The following LUC7L2 variants were observed in gnomAD, a reference collection of about 807,000 sequenced individuals.
LUC7L2 encodes the protein putative RNA-binding protein Luc7-like 2.
A neutral mutation model predicts 52.8 loss-of-function variants in LUC7L2; 25 were observed. The observed-to-expected ratio is 0.47, with a 90% CI of 0.34 to 0.66. The LOEUF (loss-of-function observed/expected upper bound fraction) is 0.66, where lower values mean the gene tolerates loss of function less well. LUC7L2 is among the 30% of genes least tolerant of loss of function. The pLI, the probability that LUC7L2 is intolerant of heterozygous loss-of-function variation, is 0.01. For missense variants in LUC7L2, 328 were observed against 497.8 expected (o/e 0.66, Z 3.25); for synonymous variants, 144 against 160.9 (o/e 0.89, Z 0.80).
At chr7:139,398,250 C>A (rs1055030918) in intron 2 of LUC7L2, among the ~76,000 whole-genome samples, 5 of 152,150 alleles carry the variant, frequency 3.3e-5, no homozygotes, top group South Asian at 2.1e-4. Context: ...TGTATATATT[C>A]TTTTAGTTTG....
intron 1 of LUC7L2, 28 bp downstream of exon 1, chr7:139,360,350 G>T (rs1412890221): frequency 1.2e-5 from 18 of 1,548,000 alleles, no homozygotes; most frequent in Non-Finnish European, 1.6e-5. Context: ...CCCTGGGGGT[G>T]GGGGAGGGGA....
chr7:139,417,461 C>T (rs916300750), intron 8 of LUC7L2, 77 bp from the exon 9 acceptor site: 2 of 1,526,764 alleles, frequency 1.3e-6, no homozygotes, highest in African/African-American at 2.8e-5. Context: ...AAAAGTTTCT[C>T]TTTAAAGAAA....
intron 1 of LUC7L2, among the ~76,000 whole-genome samples, chr7:139,364,180 TC>T (rs1338726305): frequency 2.0e-5 from 3 of 151,988 alleles, no homozygotes; most frequent in Non-Finnish European, 4.4e-5. Context: ...AGATGGGGTT[TC>T]TCCATGTTGG....
At chr7:139,396,571 CT>C (rs1427926518) in intron 2 of LUC7L2, among the ~76,000 whole-genome samples, 2 of 152,206 alleles carry the variant, frequency 1.3e-5, no homozygotes, top group Non-Finnish European at 2.9e-5. Flanking sequence ...TGGTTCACAT[CT>C]TTTGTCTTCT....
At chr7:139,382,382 T>C in intron 2 of LUC7L2, among the ~76,000 whole-genome samples, 1 of 151,142 alleles carries the variant, frequency 6.6e-6, no homozygotes, top group African/African-American at 2.5e-5. Context: ...GTCACAGTCT[T>C]TATTTATTTA....
intron 5 of LUC7L2, among the ~76,000 whole-genome samples, chr7:139,406,025 G>T (rs1021604755): frequency 6.6e-6 from 1 of 152,068 alleles, no homozygotes; most frequent in Non-Finnish European, 1.5e-5. Context: ...AAGGTGGATC[G>T]CTTGAGTCCA....
intron 1 of LUC7L2, among the ~76,000 whole-genome samples, chr7:139,341,716 C>G (rs1798981107): frequency 6.7e-6 from 1 of 150,242 alleles, no homozygotes; most frequent in South Asian, 2.1e-4. Flanking sequence ...AAAGGACCAG[C>G]GGGGGGGGGC....
At chr7:139,340,490 C>G in exon 1 of LUC7L2, 1 of 398,568 alleles carries the variant, frequency 2.5e-6, no homozygotes, top group Non-Finnish European at 4.4e-6. Flanking sequence ...GCCCGTTCAA[C>G]GTCCGGAGCA....
intron 2 of LUC7L2, among the ~76,000 whole-genome samples, chr7:139,378,319 A>G (rs1224255620): frequency 3.3e-5 from 5 of 152,062 alleles, no homozygotes; most frequent in African/African-American, 1.2e-4. Context: ...ACTACTTGAG[A>G]TAAATTTTGA....
At position 139,390,579 on chromosome 7, in the gene LUC7L2, G is replaced by A. The variant is rs1330924829; in HGVS notation, c.157-8020G>A. On this transcript the variant is annotated intron_variant, in intron 2 of 9. Transcript: ENST00000354926. ...GTAGTTTTTTTTTTTTTTTTGAGAC[G>A]GAGTCTCGCTTTGTCGCCCAGGCTG... 1.1e-4 allele frequency among the ~76,000 whole-genome samples: 14 copies of A among 130,198 alleles called. 1 individual carries two copies. The highest frequency in any genetic ancestry group is 8.7e-4 in the Admixed American group (11 of 12,572). 85.4% of individuals were successfully genotyped at this position (130,198 alleles called of 152,430 possible).
At chr7:139,420,786 A>G (rs1369174168) in intron 9 of LUC7L2, among the ~76,000 whole-genome samples, 1 of 151,834 alleles carries the variant, frequency 6.6e-6, no homozygotes, top group Non-Finnish European at 1.5e-5. Flanking sequence ...TGGAATCACT[A>G]GACTTGGCAC....
chr7:139,409,239 G>A (rs1795247956), intron 6 of LUC7L2, among the ~76,000 whole-genome samples: 1 of 151,186 alleles, frequency 6.6e-6, no homozygotes, highest in African/African-American at 2.4e-5. Context: ...CCCAGGAGTT[G>A]TAGACCCATC....
intron 8 of LUC7L2, among the ~76,000 whole-genome samples, chr7:139,415,506 C>A (rs1168108618): frequency 9.9e-5 from 15 of 151,100 alleles, no homozygotes; most frequent in Non-Finnish European, 2.2e-4. Flanking sequence ...AAAACTTACA[C>A]TGAGAGTTTT....
intron 1 of LUC7L2, chr7:139,341,297 G>T (rs1798942022): frequency 6.6e-7 from 1 of 1,523,450 alleles, no homozygotes; most frequent in South Asian, 1.2e-5. Context: ...TAGTCTGTCC[G>T]ACCGTACCAT....
In LUC7L2 at chr7:139,360,214, G is replaced by A. The variant is rs1569366135; in HGVS notation, c.-48G>A. On this transcript the variant is annotated 5_prime_UTR_variant, in exon 1 of 10. Transcript: ENST00000354926. Reference sequence around the variant, plus strand: ...TCCCCTTATCCCCCAGCCCAAAAGGGCCCGGTCTGCGCCCCACCCCCGCCC... The same window carrying A: ...TCCCCTTATCCCCCAGCCCAAAAGGACCCGGTCTGCGCCCCACCCCCGCCC... 6.8e-7 allele frequency: 1 copy of A among 1,478,132 alleles called. No homozygotes were observed. The highest frequency in any genetic ancestry group is 1.4e-5 in the African/African-American group (1 of 71,070). 91.6% of individuals were successfully genotyped at this position (1,478,132 alleles called of 1,614,324 possible). A position where few individuals can be genotyped will look rare whatever the true frequency, so the allele number is the denominator to read the frequency against.
Position 139,416,040 on chromosome 7 carries a change from A to AATATATATATAT in LUC7L2, c.810-1459_810-1448dup, listed in dbSNP as rs66498771. On this transcript the variant is annotated intron_variant, in intron 8 of 9. Coordinates refer to ENST00000354926, the MANE Select transcript of LUC7L2 (RefSeq NM_016019.5). ...ATTTAAGAGTTTTATTGAGGTATAA[A>AATATATATATAT]ATATATATATATATATATATATATA... is the stretch of plus-strand genomic sequence containing the variant. 1.4e-3 allele frequency: 133 copies of AATATATATATAT among 97,786 alleles called. 1 individual carries two copies. Among genetic ancestry groups the AATATATATATAT allele is most frequent in the Non-Finnish European group, 2.4e-3 (97 of 40,954 alleles). The allele number at this position is 97,786 out of a possible 1,614,324, so 6.1% of individuals were successfully genotyped here. A position where few individuals can be genotyped will look rare whatever the true frequency, so the allele number is the denominator to read the frequency against.
At position 139,352,055 on chromosome 7, in the gene LUC7L2, T is replaced by C. The variant is rs562230779; in HGVS notation, c.-26+11538T>C. Reference sequence around the variant, plus strand: ...AAAAAAAATGTAAAAATTAGCCAGGTGTGGTGGCATGCCCCCATAGTCCCA... The same window carrying C: ...AAAAAAAATGTAAAAATTAGCCAGGCGTGGTGGCATGCCCCCATAGTCCCA... On this transcript the variant is annotated intron_variant, in intron 1 of 10. Coordinates refer to the LUC7L2 transcript ENST00000541170. Among the ~76,000 whole-genome samples the C allele has an allele frequency of 1.2e-3, 179 of 151,506 alleles. 1 individual carries two copies. The highest frequency in any genetic ancestry group is 4.2e-3 in the African/African-American group (172 of 41,190).
Position 139,387,135 on chromosome 7 carries a change from C to T in LUC7L2, c.156+10979C>T, listed in dbSNP as rs558018122. On this transcript the variant is annotated intron_variant, in intron 2 of 9. Transcript: ENST00000354926. The stretch of plus-strand genomic sequence containing the variant: ...GATTACAGGCATGAGCCACCGTGCC[C>T]GGCCAGAGCATTTTGAGAATACATG... Among the ~76,000 whole-genome samples the T allele has an allele frequency of 2.0e-3, 305 of 151,614 alleles. 2 individuals are homozygous for T. The highest frequency in any genetic ancestry group is 3.1e-3 in the Non-Finnish European group (208 of 67,884).
intron 8 of LUC7L2, among the ~76,000 whole-genome samples, chr7:139,414,866 T>C (rs1795518404): frequency 7.5e-6 from 1 of 134,182 alleles, no homozygotes; most frequent in Admixed American, 7.2e-5. Context: ...TCTTTTCTCT[T>C]TTTCCACTCT....
Sources: allele counts gnomAD v4.1 joint callset (sites outside exome capture counted in the v4.1 genomes callset), GRCh38; gene constraint gnomAD v4.1.1; transcripts MANE v1.5; gene names NCBI Gene and HGNC (gene_info 2026-07-23, HGNC 2026-07-21).